PCDH15: variants seen among roughly 807,000 people sequenced by gnomAD.
PCDH15 encodes protocadherin-15.
Under a neutral mutation model 178.5 loss-of-function variants are expected in PCDH15, and 129 were observed. That is an observed-to-expected ratio of 0.72 (90% CI 0.63 to 0.84). The LOEUF is 0.84. Among genes scored for constraint, PCDH15 ranks in the 40% least tolerant of loss-of-function variants. The pLI, the probability that PCDH15 is intolerant of heterozygous loss-of-function variation, is 0.00. For synonymous variants in PCDH15, 800 were observed against 732.0 expected, an observed-to-expected ratio of 1.09 and a Z score of -1.50; for missense variants, 2,230 against 2,099.9, an observed-to-expected ratio of 1.06 and a Z score of -1.21.
intron 2 of PCDH15, among the ~76,000 whole-genome samples, chr10:55,393,730 C>T (rs768468569): frequency 6.6e-6 from 1 of 152,156 alleles, no homozygotes; most frequent in Non-Finnish European, 1.5e-5. Flanking sequence ...CAGATCACAA[C>T]TCTGATTGGA....
intron 1 of PCDH15, among the ~76,000 whole-genome samples, chr10:54,790,973 A>G (rs1951353204): frequency 1.3e-5 from 2 of 151,922 alleles, no homozygotes; most frequent in Admixed American, 1.3e-4. Flanking sequence ...TGAGAGAAAA[A>G]TATTAAGACC....
At position 53,807,024 on chromosome 10, in the gene PCDH15, G is replaced by A. The variant is rs555502440; in HGVS notation, c.4778C>T (p.Pro1593Leu). Residue 1593 changes from proline to leucine, a missense_variant, in exon 38 of 38, where the codon CCT becomes CTT. Transcript: ENST00000644397. ...GCCGTTGATATTACTGTGGATACTA[G>A]GATGGTGAAGACGGTTTCTCTGACA... ...PECQRNRLHH[P>L]SIHSNINGNI... 6.2e-7 allele frequency: 1 copy of A among 1,613,528 alleles called. No individual in the cohort carries two copies.
chr10:55,327,728 G>A (rs904841806), intron 2 of PCDH15, among the ~76,000 whole-genome samples: 15 of 152,052 alleles, frequency 9.9e-5, no homozygotes, highest in Admixed American at 9.2e-4. Context: ...TAAAAGTTTT[G>A]AATTTAACAT....
intron 1 of PCDH15, among the ~76,000 whole-genome samples, chr10:54,697,173 T>A (rs935767653): frequency 2.0e-5 from 3 of 152,034 alleles, no homozygotes; most frequent in African/African-American, 7.2e-5. Context: ...CTTTGATAGA[T>A]AAAAAATAGT....
chr10:54,182,988 T>G (rs938273369), intron 13 of PCDH15, among the ~76,000 whole-genome samples: 1 of 116,902 alleles, frequency 8.6e-6, no homozygotes, highest in Admixed American at 7.7e-5. Context: ...TTTTTGTTTT[T>G]GTTTTTTTTT....
rs537136244 is a variant in PCDH15 at position 54,636,439 on chromosome 10, T to C, written c.91+27733A>G. Among the ~76,000 whole-genome samples, 16 of 134,538 alleles carry C rather than the reference T, an allele frequency of 1.2e-4. No individual in the cohort carries two copies. In the East Asian group the frequency reaches 3.9e-3, roughly 32 times the overall value. 88.3% of individuals were successfully genotyped at this position (134,538 alleles called of 152,430 possible). On this transcript the variant is annotated intron_variant, in intron 2 of 37. Transcript: ENST00000644397. The stretch of plus-strand genomic sequence containing the variant: ...CTAAGTGCAGCAGTCTCAGGTCTCT[T>C]TTCTGCATACTGTAAAACTAAATTG...
At chr10:53,876,275 C>A (rs1324329123) in intron 26 of PCDH15, among the ~76,000 whole-genome samples, 2 of 151,716 alleles carry the variant, frequency 1.3e-5, no homozygotes, top group Admixed American at 6.6e-5. Context: ...GCAACCTCCG[C>A]CTCACGGGTT....
At chr10:54,950,761 T>C (rs1477950169) in intron 2 of PCDH15, among the ~76,000 whole-genome samples, 1 of 151,972 alleles carries the variant, frequency 6.6e-6, no homozygotes, top group Non-Finnish European at 1.5e-5. Flanking sequence ...ACCTCTGCCT[T>C]GTCTCTCTCA....
chr10:55,325,106 T>C (rs188944567), intron 2 of PCDH15, among the ~76,000 whole-genome samples: 1 of 152,250 alleles, frequency 6.6e-6, no homozygotes, highest in African/African-American at 2.4e-5. Flanking sequence ...TCCCTATTCA[T>C]GGACAGGAAG....
At chr10:54,433,686 T>A (rs2075174017) in intron 3 of PCDH15, among the ~76,000 whole-genome samples, 1 of 151,982 alleles carries the variant, frequency 6.6e-6, no homozygotes, top group African/African-American at 2.4e-5. Flanking sequence ...TAAAAATAAC[T>A]AAAAAAGTGT....
At chr10:53,929,703 C>G (rs1484503617) in intron 25 of PCDH15, among the ~76,000 whole-genome samples, 1 of 152,118 alleles carries the variant, frequency 6.6e-6, no homozygotes, top group Non-Finnish European at 1.5e-5. Context: ...ACAGCTAAAA[C>G]ATAAAATGAA....
intron 1 of PCDH15, among the ~76,000 whole-genome samples, chr10:54,699,266 TA>T (rs751618768): frequency 4.6e-4 from 69 of 148,970 alleles, no homozygotes; most frequent in African/African-American, 8.6e-4. Flanking sequence ...AGGTTTTATG[TA>T]AAAAAAAAAC....
intron 14 of PCDH15, among the ~76,000 whole-genome samples, chr10:54,144,153 G>A (rs2043668498): frequency 6.6e-6 from 1 of 151,950 alleles, no homozygotes; most frequent in Admixed American, 6.6e-5. Context: ...TTGATTTCTG[G>A]GTGGCCGTGA....
At chr10:53,931,004 C>T (rs778342402) in intron 25 of PCDH15, among the ~76,000 whole-genome samples, 3 of 152,010 alleles carry the variant, frequency 2.0e-5, no homozygotes, top group South Asian at 2.1e-4. Flanking sequence ...GAAGAAAATA[C>T]GGATGCTTAA....
chr10:55,048,780 A>G (rs913686140), intron 2 of PCDH15, among the ~76,000 whole-genome samples: 7 of 151,870 alleles, frequency 4.6e-5, no homozygotes, highest in African/African-American at 1.7e-4. Context: ...ACCTTTCAGC[A>G]TTTGTATTAT....
At position 54,592,908 on chromosome 10, in the gene PCDH15, T is replaced by G. The variant is rs192258877; in HGVS notation, c.92-65031A>C. Among the ~76,000 whole-genome samples the G allele has an allele frequency of 5.9e-5, 9 of 152,288 alleles. No individual in the cohort carries two copies. In the East Asian group the frequency reaches 1.7e-3, roughly 29 times the overall value. The stretch of plus-strand genomic sequence containing the variant: ...ATGTGGTGATACATTTTTGTGGTTT[T>G]GATTTGTATTTCCTGATAATTAATG... On this transcript the variant is annotated intron_variant, in intron 2 of 37. Coordinates refer to ENST00000644397, the MANE Select transcript of PCDH15 (RefSeq NM_001384140.1).
chr10:54,323,669 T>C (rs1454155711), intron 7 of PCDH15, among the ~76,000 whole-genome samples: 1 of 151,980 alleles, frequency 6.6e-6, no homozygotes, highest in East Asian at 1.9e-4. Context: ...AAACACCAAG[T>C]GCCCAGGGAA....
In PCDH15 at chr10:54,841,832, T is replaced by C. The variant is rs191187933; in HGVS notation, c.-29+55618A>G. Among the ~76,000 whole-genome samples, 267 of 151,970 alleles carry C rather than the reference T, an allele frequency of 1.8e-3. 5 individuals are homozygous for C. Among genetic ancestry groups the C allele is most frequent in the Admixed American group, 0.015 (226 of 15,226 alleles). Reference sequence around the variant, plus strand: ...TACAATCATTTTTTGAAGACATTTGTCATTTTAAACAGATAGATCTGTAGC... The same window carrying C: ...TACAATCATTTTTTGAAGACATTTGCCATTTTAAACAGATAGATCTGTAGC... On this transcript the variant is annotated intron_variant, in intron 3 of 5. Transcript: ENST00000458638.
At chr10:54,337,833 C>G (rs990266935) in intron 6 of PCDH15, among the ~76,000 whole-genome samples, 6 of 152,160 alleles carry the variant, frequency 3.9e-5, no homozygotes, top group African/African-American at 1.4e-4. Flanking sequence ...TGGATGAAGA[C>G]AGCTTATTGG....
Sources: gnomAD v4.1 joint callset for allele counts (sites outside exome capture counted in the v4.1 genomes callset) on GRCh38, gnomAD v4.1.1 for gene constraint, MANE v1.5 for transcripts, NCBI Gene and HGNC (gene_info 2026-07-23, HGNC 2026-07-21) for gene names.